The following ASB16 variants were observed in gnomAD, a reference collection of about 807,000 sequenced individuals.
The protein encoded by ASB16 is ankyrin repeat and SOCS box containing 16, also known as ankyrin repeat and SOCS box protein 16.
ASB16 carries 44 observed loss-of-function variants against 39.1 expected under a neutral mutation model. The ratio of observed to expected loss-of-function variants is 1.13; its 90% CI spans 0.88 to 1.45. The LOEUF is 1.45. ASB16 is among the 40% of genes most tolerant of loss of function. The probability of loss-of-function intolerance (pLI) is 0.00; values close to 1 mark genes in which losing one functional copy is unlikely to be tolerated. For missense variants in ASB16, 698 were observed against 634.5 expected, an observed-to-expected ratio of 1.10 and a Z score of -1.07; for synonymous variants, 305 against 286.7, an observed-to-expected ratio of 1.06 and a Z score of -0.64.
chr17:44,176,459 T>G, intron 2 of ASB16: 1 of 544,376 alleles, frequency 1.8e-6, no homozygotes, highest in Non-Finnish European at 3.3e-6. Flanking sequence ...TCTGAGGCAG[T>G]GAGTACTATT....
chr17:44,171,182 AC>A, intron 1 of ASB16, 92 bp downstream of exon 1: 1 of 1,336,726 alleles, frequency 7.5e-7, no homozygotes, highest in Non-Finnish European at 1.0e-6. Flanking sequence ...TTCCCTGCAG[AC>A]CACAGACTAT....
intron 2 of ASB16, 86 bp downstream of exon 2, chr17:44,172,399 C>G (rs1260728513): frequency 4.0e-6 from 6 of 1,487,530 alleles, no homozygotes; most frequent in Non-Finnish European, 5.5e-6. Context: ...AACCTGACAA[C>G]CACATGCAGC....
intron 2 of ASB16, among the ~76,000 whole-genome samples, chr17:44,172,887 G>A (rs2054254096): frequency 1.3e-5 from 2 of 150,236 alleles, no homozygotes; most frequent in African/African-American, 4.9e-5. Context: ...AAAGTGCTGG[G>A]ATTACAGGCG....
chr17:44,173,605 A>G (rs1056899399), intron 2 of ASB16, among the ~76,000 whole-genome samples: 13 of 152,074 alleles, frequency 8.5e-5, no homozygotes, highest in African/African-American at 2.4e-4. Flanking sequence ...AGGCAGGATG[A>G]TCTTTTGAGC....
rs2054319607 is a variant in ASB16, at chr17:44,177,712, A to G, written c.1166A>G (p.Glu389Gly). 6.2e-7 allele frequency: 1 copy of G among 1,613,370 alleles called. No homozygotes were observed. The highest frequency in any genetic ancestry group is 8.5e-7 in the Non-Finnish European group (1 of 1,179,690). Residue 389 changes from glutamate (E) to glycine (G), a missense_variant, in exon 4 of 5, where the codon GAG becomes GGG. Transcript: ENST00000293414. ...CETWVEAVLP[E>G]LWKEHEAFYS... ...ACCTGGGTGGAGGCGGTGCTCCCAG[A>G]GCTGTGGAAGGTATGTTTGCCTCAG... is the stretch of plus-strand genomic sequence containing the variant.
At chr17:44,178,105 C>A in intron 4 of ASB16, 100 bp from the exon 5 acceptor site, 2 of 1,263,952 alleles carry the variant, frequency 1.6e-6, no homozygotes, top group South Asian at 1.3e-5. Context: ...CATGAAACAC[C>A]CAGGTGGGTG....
chr17:44,177,262 C>T (rs951740436), intron 3 of ASB16, 32 bp downstream of exon 3: 2 of 1,508,472 alleles, frequency 1.3e-6, no homozygotes, highest in Admixed American at 4.7e-5. Context: ...TAGGAGGCTC[C>T]TGTGTGGGGG....
intron 2 of ASB16, 135 bp from the exon 3 acceptor site, chr17:44,176,603 T>C (rs1041678511): frequency 2.0e-5 from 26 of 1,268,970 alleles, no homozygotes; most frequent in Middle Eastern, 1.8e-4. Flanking sequence ...GTAGCGGGGC[T>C]TGTATGATTC....
chr17:44,174,421 T>C (rs2054269980), intron 2 of ASB16, among the ~76,000 whole-genome samples: 1 of 152,176 alleles, frequency 6.6e-6, no homozygotes, highest in African/African-American at 2.4e-5. Context: ...GGTCTCCGAC[T>C]CCTGAGCTCA....
At chr17:44,172,683 T>C (rs1024339306) in intron 2 of ASB16, among the ~76,000 whole-genome samples, 1 of 150,962 alleles carries the variant, frequency 6.6e-6, no homozygotes, top group Non-Finnish European at 1.5e-5. Flanking sequence ...TGTAGTGCAG[T>C]GGCGTGGTCT....
At position 44,177,038 on chromosome 17, in the gene ASB16, C is replaced by T. The variant is rs908461955; in HGVS notation, c.870C>T (p.Asn290=). The T allele has an allele frequency of 6.7e-7, 1 of 1,490,674 alleles. No individual in the cohort carries two copies. Among genetic ancestry groups the T allele is most frequent in the African/African-American group, 1.5e-5 (1 of 68,186 alleles). 92.3% of individuals were successfully genotyped at this position (1,490,674 alleles called of 1,614,324 possible). The change falls in exon 3 of 5, where the codon AAC becomes AAT. Residue 290 remains asparagine, a synonymous_variant. Transcript: ENST00000293414. ...AGRKRHTPLH[N]ACANGCGGLA... The stretch of plus-strand genomic sequence containing the variant: ...GCAAGCGCCACACGCCGCTGCACAA[C>T]GCTTGTGCCAACGGCTGCGGGGGCC...
chr17:44,171,160 C>G, intron 1 of ASB16, 70 bp downstream of exon 1: 1 of 1,472,134 alleles, frequency 6.8e-7, no homozygotes, highest in South Asian at 1.3e-5. Context: ...GGGGGAGAGT[C>G]TAGGCCCCTC....
intron 2 of ASB16, among the ~76,000 whole-genome samples, chr17:44,174,663 T>G (rs2054271592): frequency 6.6e-6 from 1 of 152,104 alleles, no homozygotes. Context: ...CTAGATGAAG[T>G]CCAAGAAGTG....
In ASB16 at chr17:44,172,258, C is replaced by T. The variant is rs1371206225; in HGVS notation, c.514C>T (p.Leu172=). 5.0e-6 allele frequency: 8 copies of T among 1,613,708 alleles called. No homozygotes were observed. The highest frequency in any genetic ancestry group is 6.8e-6 in the Non-Finnish European group (8 of 1,180,042). ...GACCTTCGGAGCCAAGGCTAATGTG[C>T]TGACTGAGGAGGGCACGACTCCTTT... ...LLTFGAKANV[L]TEEGTTPLHL... The change falls in exon 2 of 5, where the codon CTG becomes TTG. Residue 172 remains leucine (L), a synonymous_variant. Transcript: ENST00000293414.
chr17:44,176,422 A>G (rs760080827), intron 2 of ASB16: 3 of 449,820 alleles, frequency 6.7e-6, no homozygotes, highest in Non-Finnish European at 1.2e-5. Flanking sequence ...CTTGGGGTGG[A>G]GACAGAGTAG....
intron 2 of ASB16, among the ~76,000 whole-genome samples, chr17:44,175,082 A>C (rs2054275727): frequency 7.2e-6 from 1 of 139,634 alleles, no homozygotes; most frequent in South Asian, 2.3e-4. Flanking sequence ...AGCCTGGGCG[A>C]CAGAGCAAGA....
chr17:44,176,682 T>G (rs886905122), intron 2 of ASB16, 56 bp from the exon 3 acceptor site: 2 of 1,613,386 alleles, frequency 1.2e-6, no homozygotes, highest in South Asian at 2.2e-5. Flanking sequence ...CACAGCAAGC[T>G]GAAGGGGTCC....
At position 44,176,665 on chromosome 17, in the gene ASB16, G is replaced by A. The variant is rs1046889952; in HGVS notation, c.570-73G>A. 5.6e-6 allele frequency: 9 copies of A among 1,610,368 alleles called. No homozygotes were observed. In the African/African-American group the frequency reaches 6.7e-5, roughly 12 times the overall value. On this transcript the variant is annotated intron_variant, in intron 2 of 4. Coordinates refer to ENST00000293414, the MANE Select transcript of ASB16 (RefSeq NM_080863.5). ...AAGCTGAGAGGGGTGGAAAGGCAAG[G>A]GAGTGTCACAGCAAGCTGAAGGGGT...
intron 2 of ASB16, chr17:44,176,450 C>A: frequency 3.9e-6 from 2 of 518,748 alleles, no homozygotes; most frequent in Non-Finnish European, 7.0e-6. Flanking sequence ...GAGGGACTGT[C>A]TGAGGCAGTG....
Sources: gnomAD v4.1 joint callset for allele counts (sites outside exome capture counted in the v4.1 genomes callset) on GRCh38, gnomAD v4.1.1 for gene constraint, MANE v1.5 for transcripts, NCBI Gene and HGNC (gene_info 2026-07-23, HGNC 2026-07-21) for gene names.